The following FHIP1A variants were observed in gnomAD, a reference collection of about 807,000 sequenced individuals.
FHIP1A encodes the protein FHF complex subunit HOOK-interacting protein 1A.
Under a neutral mutation model 88.6 loss-of-function variants are expected in FHIP1A, and 61 were observed. The ratio of observed to expected loss-of-function variants is 0.69; its 90% CI spans 0.56 to 0.85. FHIP1A has a LOEUF of 0.85. Among genes scored for constraint, FHIP1A ranks in the 40% least tolerant of loss-of-function variants. The probability of loss-of-function intolerance (pLI) is 0.00; values close to 1 mark genes in which losing one functional copy is unlikely to be tolerated. For missense variants in FHIP1A, 1,154 were observed against 1,273.5 expected (o/e 0.91, Z 1.43); for synonymous variants, 478 against 496.0 (o/e 0.96, Z 0.48).
At chr4:151,442,793 T>A (rs1480212334) in intron 1 of FHIP1A, among the ~76,000 whole-genome samples, 1 of 152,210 alleles carries the variant, frequency 6.6e-6, no homozygotes, top group Non-Finnish European at 1.5e-5. Flanking sequence ...AATCTGTTCT[T>A]CCATATGTTC....
At chr4:151,485,282 G>GTTTT (rs74327398) in intron 3 of FHIP1A, among the ~76,000 whole-genome samples, 98 of 118,714 alleles carry the variant, frequency 8.3e-4, no homozygotes, top group South Asian at 1.6e-3. Context: ...ATCTTTTCCA[G>GTTTT]TTTTTTTTTT....
chr4:151,485,921 C>G (rs1730067692), intron 3 of FHIP1A, among the ~76,000 whole-genome samples: 1 of 152,110 alleles, frequency 6.6e-6, no homozygotes, highest in South Asian at 2.1e-4. Context: ...TCTAGGTCAG[C>G]AGTCTCCAAC....
At chr4:151,616,781 T>G (rs1273835608) in intron 7 of FHIP1A, among the ~76,000 whole-genome samples, 5 of 151,878 alleles carry the variant, frequency 3.3e-5, no homozygotes, top group Non-Finnish European at 5.9e-5. Context: ...AGAGTCTCAC[T>G]CTGTTGCCCA....
At chr4:151,544,793 C>T (rs915521897) in intron 3 of FHIP1A, among the ~76,000 whole-genome samples, 9 of 152,184 alleles carry the variant, frequency 5.9e-5, no homozygotes, top group Admixed American at 1.3e-4. Context: ...GAGCTGTCAT[C>T]TTAATACAGC....
intron 3 of FHIP1A, among the ~76,000 whole-genome samples, chr4:151,497,916 T>G (rs140894823): frequency 0.011 from 1,709 of 152,332 alleles, 16 homozygotes; most frequent in Non-Finnish European, 0.017. Context: ...CTGATCAGAT[T>G]TGATATCAGA....
intron 2 of FHIP1A, among the ~76,000 whole-genome samples, chr4:151,459,446 CT>C (rs1729075609): frequency 6.6e-6 from 1 of 152,086 alleles, no homozygotes; most frequent in Admixed American, 6.6e-5. Context: ...CTTCTGTTAA[CT>C]GTTTCATGGT....
chr4:151,533,321 G>C (rs539688835), intron 3 of FHIP1A, among the ~76,000 whole-genome samples: 2 of 152,062 alleles, frequency 1.3e-5, no homozygotes, highest in Admixed American at 1.3e-4. Flanking sequence ...GCACCTAGGC[G>C]GGAGGATTGC....
chr4:151,645,759 CA>C (rs1217088436), intron 9 of FHIP1A, among the ~76,000 whole-genome samples: 3 of 151,622 alleles, frequency 2.0e-5, no homozygotes, highest in African/African-American at 7.3e-5. Flanking sequence ...GAAAGTAAGT[CA>C]TTTAAACACA....
intron 9 of FHIP1A, among the ~76,000 whole-genome samples, chr4:151,643,292 C>G (rs1041025459): frequency 2.7e-5 from 4 of 149,362 alleles, no homozygotes; most frequent in Non-Finnish European, 6.0e-5. Flanking sequence ...TTTAAAGATA[C>G]AGCAGAACCA....
At chr4:151,538,337 G>A (rs1732146428) in intron 3 of FHIP1A, among the ~76,000 whole-genome samples, 1 of 152,152 alleles carries the variant, frequency 6.6e-6, no homozygotes, top group East Asian at 1.9e-4. Context: ...TACATGTAAA[G>A]TGCTTGGTAT....
intron 2 of FHIP1A, among the ~76,000 whole-genome samples, chr4:151,471,481 T>A (rs752682779): frequency 3.9e-5 from 6 of 152,100 alleles, no homozygotes; most frequent in Non-Finnish European, 8.8e-5. Context: ...AGCCATAACT[T>A]CTAAAAGAAA....
intron 3 of FHIP1A, among the ~76,000 whole-genome samples, chr4:151,526,594 C>A (rs1212107783): frequency 1.9e-4 from 27 of 142,198 alleles, no homozygotes; most frequent in African/African-American, 6.6e-4. Flanking sequence ...CCGGACGGGG[C>A]GGCTGGCCGG....
At chr4:151,581,701 G>T (rs1336503347) in intron 5 of FHIP1A, among the ~76,000 whole-genome samples, 3 of 151,926 alleles carry the variant, frequency 2.0e-5, no homozygotes, top group Admixed American at 6.6e-5. Context: ...TAAAAAAAAA[G>T]CCCTCTTTAT....
intron 3 of FHIP1A, among the ~76,000 whole-genome samples, chr4:151,547,422 A>G (rs913506369): frequency 2.6e-5 from 4 of 152,076 alleles, no homozygotes; most frequent in African/African-American, 4.8e-5. Flanking sequence ...TTTTTCCCCC[A>G]AAAAAACGTT....
At chr4:151,483,427 T>C (rs1026760631) in intron 3 of FHIP1A, among the ~76,000 whole-genome samples, 1 of 152,088 alleles carries the variant, frequency 6.6e-6, no homozygotes, top group African/African-American at 2.4e-5. Context: ...AGAATCAGAA[T>C]GGTAGGGGCA....
intron 3 of FHIP1A, among the ~76,000 whole-genome samples, chr4:151,544,807 G>C (rs1732427037): frequency 6.6e-6 from 1 of 152,146 alleles, no homozygotes; most frequent in Non-Finnish European, 1.5e-5. Context: ...ATACAGCCTT[G>C]CTCTGCAGGT....
chr4:151,486,672 A>C (rs760091312), intron 3 of FHIP1A, among the ~76,000 whole-genome samples: 5 of 152,128 alleles, frequency 3.3e-5, no homozygotes, highest in Non-Finnish European at 7.3e-5. Flanking sequence ...TCTTTCCTTG[A>C]AAAATATTTT....
chr4:151,585,529 A>G (rs1466430542), intron 5 of FHIP1A, among the ~76,000 whole-genome samples: 1 of 152,130 alleles, frequency 6.6e-6, no homozygotes, highest in Non-Finnish European at 1.5e-5. Flanking sequence ...GCCATCTTAT[A>G]CATATCTAGC....
intron 3 of FHIP1A, among the ~76,000 whole-genome samples, chr4:151,525,085 GCC>G (rs544967101): frequency 1.7e-4 from 26 of 152,042 alleles, no homozygotes; most frequent in Non-Finnish European, 3.1e-4. Context: ...TGTGACTCCA[GCC>G]CTGATTAAAA....
Sources: gnomAD v4.1 joint callset for allele counts (sites outside exome capture counted in the v4.1 genomes callset) on GRCh38, gnomAD v4.1.1 for gene constraint, MANE v1.5 for transcripts, NCBI Gene and HGNC (gene_info 2026-07-23, HGNC 2026-07-21) for gene names.